The following TRPM8 variants were observed in gnomAD, a reference collection of about 807,000 sequenced individuals.
The protein encoded by TRPM8 is TRPM8 cationic channel.
TRPM8 carries 110 observed loss-of-function variants against 133.7 expected under a neutral mutation model. The observed-to-expected ratio is 0.82, with a 90% confidence interval of 0.70 to 0.96. The LOEUF (loss-of-function observed/expected upper bound fraction) is 0.96. Among genes scored for constraint, TRPM8 ranks in the 40% least tolerant of loss-of-function variants. The pLI is 0.00. For missense variants in TRPM8, 1,291 were observed against 1,379.5 expected, an observed-to-expected ratio of 0.94 and a Z score of 1.02; for synonymous variants, 535 against 532.3, an observed-to-expected ratio of 1.01 and a Z score of -0.07.
intron 17 of TRPM8, among the ~76,000 whole-genome samples, chr2:233,971,475 T>C (rs546986776): frequency 1.3e-5 from 2 of 152,300 alleles, no homozygotes; most frequent in South Asian, 4.1e-4. Flanking sequence ...ACCAGTGCCC[T>C]GTGTCTGACT....
chr2:233,932,679 C>T (rs1335359003), intron 3 of TRPM8, among the ~76,000 whole-genome samples: 2 of 151,830 alleles, frequency 1.3e-5, no homozygotes, highest in African/African-American at 4.8e-5. Flanking sequence ...CAGCCGCAGC[C>T]CTCAGCAACA....
chr2:233,960,833 G>T lies in TRPM8; in HGVS notation c.1420G>T (p.Val474Phe). ...TCTCATAAAGGACAGACCCAAGTTT[G>T]TCCGCCTCTTTCTGGAGAATGGCTT... ...TALIKDRPKF[V>F]RLFLENGLNL... Residue 474 changes from valine (V) to phenylalanine (F), a missense_variant, in exon 12 of 26, where the codon GTC (valine) becomes TTC (phenylalanine). Val to Phe is a conservative substitution (Grantham distance 50). Coordinates refer to ENST00000324695, the MANE Select transcript of TRPM8 (RefSeq NM_024080.5). The T allele has an allele frequency of 1.9e-6, 3 of 1,614,128 alleles. No individual in the cohort carries two copies. Among genetic ancestry groups the T allele is most frequent in the Non-Finnish European group, 2.5e-6 (3 of 1,180,018 alleles).
At chr2:233,934,471 A>G (rs898786114) in intron 3 of TRPM8, among the ~76,000 whole-genome samples, 1 of 152,228 alleles carries the variant, frequency 6.6e-6, no homozygotes, top group African/African-American at 2.4e-5. Context: ...AGTTATATGA[A>G]CAGGCTCATC....
chr2:233,997,273 C>CA (rs962182845), intron 22 of TRPM8, among the ~76,000 whole-genome samples: 27 of 149,786 alleles, frequency 1.8e-4, no homozygotes, highest in African/African-American at 5.9e-4. Context: ...GACTCCGTCT[C>CA]AAAAAAAAAG....
At chr2:233,977,487 T>G (rs750171890) in intron 17 of TRPM8, among the ~76,000 whole-genome samples, 1 of 152,198 alleles carries the variant, frequency 6.6e-6, no homozygotes, top group Non-Finnish European at 1.5e-5. Context: ...GGGCTGAGGT[T>G]GGGCTGGGGC....
Position 233,969,765 on chromosome 2 carries a change from T to A in TRPM8, c.2096T>A (p.Leu699Gln). 6.2e-7 allele frequency: 1 copy of A among 1,614,030 alleles called. No individual in the cohort carries two copies. The highest frequency in any genetic ancestry group is 8.5e-7 in the Non-Finnish European group (1 of 1,179,860). Residue 699 changes from leucine to glutamine, a missense_variant, in exon 16 of 26, where the codon CTG becomes CAG. Leu to Gln is a moderately radical substitution (Grantham distance 113). Transcript: ENST00000324695. Reference sequence around the variant, plus strand: ...AAGAACTGGAAGATTATCCTGTGTCTGTTTATTATACCCTTGGTGGGCTGT... The same window carrying A: ...AAGAACTGGAAGATTATCCTGTGTCAGTTTATTATACCCTTGGTGGGCTGT... ...DTKNWKIILCLFIIPLVGCGF... is the reference protein window; with the variant it reads ...DTKNWKIILCQFIIPLVGCGF...
At chr2:233,984,547 T>G (rs560587863) in intron 20 of TRPM8, among the ~76,000 whole-genome samples, 1 of 152,304 alleles carries the variant, frequency 6.6e-6, no homozygotes, top group South Asian at 2.1e-4. Flanking sequence ...CATCCACTAG[T>G]TTTGTTGATT....
rs200551327 is a variant in TRPM8, at chr2:233,942,715, C to G, written c.666C>G (p.Asn222Lys). The G allele has an allele frequency of 1.2e-5, 19 of 1,614,048 alleles. No homozygotes were observed. Among genetic ancestry groups the G allele is most frequent in the Non-Finnish European group, 1.6e-5 (19 of 1,180,044 alleles). ...IGIAAWGMVS[N>K]RDTLIRNCDA... ...TAGCAGCTTGGGGCATGGTCTCCAA[C>G]CGGGACACCCTCATCAGGAATTGCG... The change falls in exon 6 of 26, where the codon AAC (asparagine) becomes AAG (lysine). Residue 222 changes from asparagine to lysine, a missense_variant. Asn to Lys is a moderately conservative substitution (Grantham distance 94, BLOSUM62 0). Coordinates refer to ENST00000324695, the MANE Select transcript of TRPM8 (RefSeq NM_024080.5).
intron 21 of TRPM8, among the ~76,000 whole-genome samples, chr2:233,990,052 C>G (rs1475797815): frequency 6.6e-6 from 1 of 152,126 alleles, no homozygotes; most frequent in African/African-American, 2.4e-5. Flanking sequence ...CTGATACAAA[C>G]TAAAGGTTTG....
At chr2:233,927,954 CTCTCTCTT>C (rs780008149) in intron 2 of TRPM8, among the ~76,000 whole-genome samples, 1,677 of 72,114 alleles carry the variant, frequency 0.023, 292 homozygotes, top group South Asian at 0.035. Context: ...CTCTCTCTCT[CTCTCTCTT>C]TCTTTCTTTC....
chr2:234,007,084 T>C, intron 23 of TRPM8, 132 bp downstream of exon 23: 1 of 617,616 alleles, frequency 1.6e-6, no homozygotes, highest in Admixed American at 2.9e-5. Context: ...ACAAAGATAT[T>C]ACCCGGGCAA....
intron 11 of TRPM8, 150 bp downstream of exon 11, chr2:233,955,400 C>T (rs1691269609): frequency 1.7e-6 from 1 of 601,278 alleles, no homozygotes; most frequent in Non-Finnish European, 3.0e-6. Context: ...GGCTTAATTT[C>T]CTTGTTTGCA....
At chr2:233,938,717 G>A (rs1559520784) in intron 4 of TRPM8, among the ~76,000 whole-genome samples, 1 of 152,106 alleles carries the variant, frequency 6.6e-6, no homozygotes. Context: ...TCGGTGAGCA[G>A]AGGGGTGACT....
At position 233,939,063 on chromosome 2, in the gene TRPM8, C is replaced by A; in HGVS notation, c.414C>A (p.His138Gln). The A allele has an allele frequency of 6.2e-7, 1 of 1,614,224 alleles. No homozygotes were observed. Among genetic ancestry groups the A allele is most frequent in the South Asian group, 1.1e-5 (1 of 91,084 alleles). Residue 138 changes from histidine to glutamine, a missense_variant, in exon 5 of 26, where the codon CAC becomes CAA. By Grantham distance (24) the His-to-Gln change is conservative (BLOSUM62 0). Transcript: ENST00000324695. ...ILYELLTQHW[H>Q]LKTPNLVISV... The stretch of plus-strand genomic sequence containing the variant: ...ACGAGCTGCTGACCCAGCACTGGCA[C>A]CTGAAAACACCCAACCTGGTCATTT...
At chr2:233,949,478 A>C (rs1485732602) in intron 8 of TRPM8, among the ~76,000 whole-genome samples, 2 of 152,372 alleles carry the variant, frequency 1.3e-5, no homozygotes, top group Non-Finnish European at 2.9e-5. Flanking sequence ...GGAGGGAAAT[A>C]TGTGAGTAAA....
chr2:234,014,353 A>T (rs1271176200), intron 24 of TRPM8, among the ~76,000 whole-genome samples: 1 of 152,152 alleles, frequency 6.6e-6, no homozygotes, highest in African/African-American at 2.4e-5. Context: ...CTAATTGGTT[A>T]CTAATTGCTA....
chr2:233,988,940 C>T (rs1692211830), intron 21 of TRPM8, among the ~76,000 whole-genome samples: 1 of 152,200 alleles, frequency 6.6e-6, no homozygotes, highest in African/African-American at 2.4e-5. Context: ...AGTGGGATGG[C>T]TTCAGGCTTT....
At chr2:233,964,580 AAAG>A in intron 13 of TRPM8, 45 bp from the exon 14 acceptor site, 1 of 1,390,358 alleles carries the variant, frequency 7.2e-7, no homozygotes, top group Non-Finnish European at 9.5e-7. Context: ...AAAAAAAAGA[AAAG>A]GAAAAAAAAG....
intron 21 of TRPM8, among the ~76,000 whole-genome samples, chr2:233,994,696 T>C (rs914142968): frequency 6.6e-6 from 1 of 152,166 alleles, no homozygotes; most frequent in East Asian, 1.9e-4. Flanking sequence ...CGACATTTTT[T>C]TTTGCTTAAG....
Sources: gnomAD v4.1 joint callset for allele counts (sites outside exome capture counted in the v4.1 genomes callset) on GRCh38, gnomAD v4.1.1 for gene constraint, MANE v1.5 for transcripts, NCBI Gene and HGNC (gene_info 2026-07-23, HGNC 2026-07-21) for gene names.